Variants in GPC5 observed in about 807,000 individuals in gnomAD.
GPC5 encodes glypican-5.
A neutral mutation model predicts 53.9 loss-of-function variants in GPC5; 47 were observed. The observed-to-expected ratio is 0.87, with a 90% CI of 0.69 to 1.11. The LOEUF is 1.11. GPC5 is among the 50% of genes most tolerant of loss of function. GPC5 has a pLI of 0.00. For missense variants in GPC5, 748 were observed against 713.1 expected, an observed-to-expected ratio of 1.05 and a Z score of -0.56; for synonymous variants, 286 against 263.3, an observed-to-expected ratio of 1.09 and a Z score of -0.84.
At chr13:92,292,535 T>C (rs1199732437) in intron 7 of GPC5, among the ~76,000 whole-genome samples, 2 of 152,140 alleles carry the variant, frequency 1.3e-5, no homozygotes, top group Non-Finnish European at 2.9e-5. Flanking sequence ...TTTTTTTTCT[T>C]GTTGATTTGA....
intron 7 of GPC5, among the ~76,000 whole-genome samples, chr13:92,160,722 G>T (rs2041981387): frequency 6.6e-6 from 1 of 152,144 alleles, no homozygotes; most frequent in Admixed American, 6.6e-5. Flanking sequence ...GTCTTCCATA[G>T]AGCCAACTCT....
chr13:91,931,458 T>A (rs1458799375), intron 6 of GPC5, among the ~76,000 whole-genome samples: 5 of 152,024 alleles, frequency 3.3e-5, no homozygotes, highest in Non-Finnish European at 7.4e-5. Context: ...ACATTTTTCA[T>A]CAGCACAATT....
At chr13:91,454,168 T>C (rs1881378829) in intron 2 of GPC5, among the ~76,000 whole-genome samples, 2 of 152,074 alleles carry the variant, frequency 1.3e-5, no homozygotes, top group South Asian at 2.1e-4. Context: ...TGAATCGGCG[T>C]CAACAGGCTT....
At chr13:92,863,553 G>T (rs1879248713) in intron 7 of GPC5, among the ~76,000 whole-genome samples, 1 of 152,106 alleles carries the variant, frequency 6.6e-6, no homozygotes, top group Non-Finnish European at 1.5e-5. Flanking sequence ...GAGTGCAATG[G>T]CACAATCTAG....
intron 2 of GPC5, among the ~76,000 whole-genome samples, chr13:91,576,183 C>G (rs1270110119): frequency 6.6e-6 from 1 of 151,940 alleles, no homozygotes; most frequent in Non-Finnish European, 1.5e-5. Flanking sequence ...AGAGATCTAT[C>G]TTATATCAAG....
intron 3 of GPC5, among the ~76,000 whole-genome samples, chr13:91,718,211 T>C (rs184407181): frequency 1.7e-3 from 263 of 152,022 alleles, no homozygotes; most frequent in African/African-American, 5.4e-3. Context: ...CCCCGGTTCA[T>C]GCCATTCTCC....
chr13:91,737,536 C>T (rs78011018), intron 4 of GPC5, among the ~76,000 whole-genome samples: 2,060 of 151,408 alleles, frequency 0.014, 35 homozygotes, highest in Non-Finnish European at 0.02. Context: ...AATCCATCAG[C>T]GTCTTTGCCA....
At chr13:92,545,006 T>G (rs958732427) in intron 7 of GPC5, among the ~76,000 whole-genome samples, 2 of 152,068 alleles carry the variant, frequency 1.3e-5, no homozygotes, top group African/African-American at 2.4e-5. Context: ...GCCAGGTTGG[T>G]GTGCTGCACC....
chr13:92,832,750 G>A (rs1187746923), intron 7 of GPC5, among the ~76,000 whole-genome samples: 1 of 152,170 alleles, frequency 6.6e-6, no homozygotes, highest in Non-Finnish European at 1.5e-5. Context: ...GCTCACACCT[G>A]TAGTCCCCGC....
At chr13:92,466,557 G>A (rs1207950852) in intron 7 of GPC5, among the ~76,000 whole-genome samples, 6 of 152,034 alleles carry the variant, frequency 3.9e-5, no homozygotes, top group Admixed American at 2.6e-4. Flanking sequence ...CCAATACACT[G>A]TTTATGGTAA....
At chr13:91,461,916 C>A (rs543330090) in intron 2 of GPC5, among the ~76,000 whole-genome samples, 1 of 152,052 alleles carries the variant, frequency 6.6e-6, no homozygotes, top group African/African-American at 2.4e-5. Context: ...GGCAAAAATA[C>A]CCTCTAAATT....
At chr13:91,719,161 G>T (rs1361918833) in intron 3 of GPC5, among the ~76,000 whole-genome samples, 9 of 152,206 alleles carry the variant, frequency 5.9e-5, no homozygotes, top group Admixed American at 5.9e-4. Context: ...GATGGACAGA[G>T]CTTGCAAGTG....
intron 1 of GPC5, among the ~76,000 whole-genome samples, chr13:91,414,378 T>A (rs1310576680): frequency 6.6e-6 from 1 of 152,256 alleles, no homozygotes; most frequent in Non-Finnish European, 1.5e-5. Context: ...CCTCTCCAGC[T>A]ATGCAGAACG....
chr13:92,838,687 A>G (rs577108477), intron 7 of GPC5, among the ~76,000 whole-genome samples: 131 of 152,258 alleles, frequency 8.6e-4, no homozygotes, highest in Non-Finnish European at 1.8e-3. Context: ...ACTTTAAAAT[A>G]ACTATGATTA....
At chr13:92,607,543 G>C (rs529033338) in intron 7 of GPC5, among the ~76,000 whole-genome samples, 15 of 152,174 alleles carry the variant, frequency 9.9e-5, no homozygotes, top group Admixed American at 2.6e-4. Context: ...GGAAGAGACT[G>C]ATAATAAGGC....
chr13:91,695,174 C>T (rs955234189), intron 3 of GPC5, among the ~76,000 whole-genome samples: 1 of 151,990 alleles, frequency 6.6e-6, no homozygotes, highest in Non-Finnish European at 1.5e-5. Context: ...TACAATTAAC[C>T]GGGTTCTCAA....
chr13:91,795,987 G>C (rs1312641317), intron 5 of GPC5, among the ~76,000 whole-genome samples: 3 of 152,090 alleles, frequency 2.0e-5, no homozygotes, highest in African/African-American at 7.2e-5. Context: ...TTGTTACCGG[G>C]GGTCTTTGCT....
chr13:92,412,626 A>G (rs1876097560), intron 7 of GPC5, among the ~76,000 whole-genome samples: 1 of 152,206 alleles, frequency 6.6e-6, no homozygotes, highest in Non-Finnish European at 1.5e-5. Context: ...TGGTTTAAGC[A>G]TTGTTTATAA....
intron 7 of GPC5, among the ~76,000 whole-genome samples, chr13:92,197,652 C>T (rs2042266381): frequency 1.4e-5 from 2 of 142,600 alleles, no homozygotes; most frequent in South Asian, 2.4e-4. Context: ...GCATCGCCAT[C>T]ACATCTGGCT....
Sources: gnomAD v4.1 joint callset for allele counts (sites outside exome capture counted in the v4.1 genomes callset) on GRCh38, gnomAD v4.1.1 for gene constraint, MANE v1.5 for transcripts, NCBI Gene and HGNC (gene_info 2026-07-23, HGNC 2026-07-21) for gene names.